The following SUCLA2 variants were observed in gnomAD, a reference collection of about 807,000 sequenced individuals.
SUCLA2 encodes succinate-CoA ligase ADP-forming subunit beta.
Under a neutral mutation model 54.8 loss-of-function variants are expected in SUCLA2, and 30 were observed. That is an observed-to-expected ratio of 0.55 (90% confidence interval 0.41 to 0.74). SUCLA2 has a LOEUF of 0.74. Among genes scored for constraint, SUCLA2 ranks in the 30% least tolerant of loss-of-function variants. The pLI is 0.00. For synonymous variants in SUCLA2, 172 were observed against 188.9 expected (o/e 0.91, Z 0.74); for missense variants, 476 against 562.9 (o/e 0.85, Z 1.56).
At chr13:47,969,455 C>A (rs1475281172) in intron 5 of SUCLA2, among the ~76,000 whole-genome samples, 8 of 152,322 alleles carry the variant, frequency 5.3e-5, no homozygotes, top group African/African-American at 1.9e-4. Context: ...AGTTTACAGT[C>A]TTGAGGGATT....
Position 47,973,269 on chromosome 13 carries a change from G to A in SUCLA2, c.658C>T (p.Leu220Phe). Residue 220 changes from leucine (L) to phenylalanine (F), a missense_variant, in exon 5 of 11, where the codon CTC (leucine) becomes TTC (phenylalanine). Transcript: ENST00000646932. ...IEEGIKKEQA[L>F]QLAQKMGFPP... ...TTTTCAGGAATACAACATACCTGGA[G>A]AGCTTGTTCCTTTTTGATGCCTTCT... 1 of 1,612,486 alleles carries A rather than the reference G, an allele frequency of 6.2e-7. No homozygotes were observed. Among genetic ancestry groups the A allele is most frequent in the Non-Finnish European group, 8.5e-7 (1 of 1,179,592 alleles).
intron 4 of SUCLA2, among the ~76,000 whole-genome samples, chr13:47,981,752 G>T (rs1325947237): frequency 2.0e-5 from 3 of 152,208 alleles, no homozygotes; most frequent in Non-Finnish European, 4.4e-5. Flanking sequence ...GGAGGCGGAG[G>T]TTGTGAGCCG....
intron 10 of SUCLA2, among the ~76,000 whole-genome samples, chr13:47,945,087 T>TAAAA (rs1949718804): frequency 6.6e-6 from 1 of 151,480 alleles, no homozygotes; most frequent in African/African-American, 2.4e-5. Context: ...GCATCTCTAC[T>TAAAA]AAAAATACAT....
intron 4 of SUCLA2, among the ~76,000 whole-genome samples, chr13:47,979,494 G>T (rs1255871979): frequency 6.6e-6 from 1 of 152,102 alleles, no homozygotes; most frequent in African/African-American, 2.4e-5. Flanking sequence ...TCGGGGGGTG[G>T]GGGGCTAGGG....
At position 47,984,618 on chromosome 13, in the gene SUCLA2, T is replaced by C. The variant is rs79352544; in HGVS notation, c.534+3923A>G. ...ATGAGAAAGCAGCCACATGATATAA[T>C]AAAGATCTGTAGCAGGGCATCGTGG... is the stretch of plus-strand genomic sequence containing the variant. On this transcript the variant is annotated intron_variant, in intron 4 of 10. Coordinates refer to ENST00000646932, the MANE Select transcript of SUCLA2 (RefSeq NM_003850.3). Among the ~76,000 whole-genome samples the C allele has an allele frequency of 1.0e-3, 158 of 151,974 alleles. 1 individual carries two copies. Among genetic ancestry groups the C allele is most frequent in the African/African-American group, 3.4e-3 (142 of 41,454 alleles).
At chr13:47,992,262 G>A (rs1452805080) in intron 2 of SUCLA2, among the ~76,000 whole-genome samples, 1 of 151,414 alleles carries the variant, frequency 6.6e-6, no homozygotes, top group African/African-American at 2.4e-5. Context: ...CACTTGGCAA[G>A]ACAGAAGGTT....
intron 5 of SUCLA2, among the ~76,000 whole-genome samples, chr13:47,969,504 A>G (rs1949945244): frequency 6.6e-6 from 1 of 152,204 alleles, no homozygotes; most frequent in Non-Finnish European, 1.5e-5. Context: ...AAACAATACA[A>G]TATCAAGGTC....
At chr13:47,977,922 C>T (rs1375203950) in intron 4 of SUCLA2, among the ~76,000 whole-genome samples, 1 of 152,062 alleles carries the variant, frequency 6.6e-6, no homozygotes, top group African/African-American at 2.4e-5. Context: ...ACAATTGCTA[C>T]AAAGAGGATA....
chr13:47,976,106 A>AT (rs140214581), intron 4 of SUCLA2, among the ~76,000 whole-genome samples: 1 of 152,088 alleles, frequency 6.6e-6, no homozygotes, highest in Non-Finnish European at 1.5e-5. Context: ...TTAAAAAAAA[A>AT]TTTTTGTTTA....
intron 8 of SUCLA2, 118 bp from the exon 9 acceptor site, chr13:47,949,721 C>T: frequency 1.9e-6 from 2 of 1,034,778 alleles, no homozygotes; most frequent in Middle Eastern, 4.5e-4. Flanking sequence ...GATTTTCAGA[C>T]CAAACCACAA....
Position 47,954,171 on chromosome 13 carries a change from T to C in SUCLA2, c.1076A>G (p.Glu359Gly). Residue 359 changes from glutamate to glycine, a missense_variant, in exon 8 of 11, where the codon GAA becomes GGA. Glu to Gly is a moderately conservative substitution (Grantham distance 98, BLOSUM62 -2). Transcript: ENST00000646932. ...GGGATVHQVT[E>G]AFKLITSDKK... ...ATCTGAAGTGATAAGCTTAAATGCT[T>C]CTGTTACTTGATGGACTGTAGCACC... is the stretch of plus-strand genomic sequence containing the variant. The C allele has an allele frequency of 6.2e-7, 1 of 1,613,786 alleles. No individual in the cohort carries two copies. The highest frequency in any genetic ancestry group is 1.1e-5 in the South Asian group (1 of 91,074).
chr13:47,955,940 C>A (rs2148245), intron 6 of SUCLA2, among the ~76,000 whole-genome samples: 110,817 of 152,034 alleles, frequency 0.73, 41,354 homozygotes, highest in Non-Finnish European at 0.82. Context: ...GTTAAGTACC[C>A]TTAATACCAA....
chr13:47,997,736 G>T (rs1018316579), intron 1 of SUCLA2, among the ~76,000 whole-genome samples: 1 of 152,168 alleles, frequency 6.6e-6, no homozygotes, highest in Admixed American at 6.5e-5. Context: ...AATACAGAAT[G>T]CAGTATACTG....
intron 6 of SUCLA2, among the ~76,000 whole-genome samples, chr13:47,963,481 TA>T (rs1239232666): frequency 4.6e-5 from 7 of 151,916 alleles, no homozygotes; most frequent in Non-Finnish European, 1.5e-5. Flanking sequence ...CCATCTCTAC[TA>T]AAAATACAAA....
intron 10 of SUCLA2, among the ~76,000 whole-genome samples, chr13:47,945,540 T>A (rs2137682709): frequency 6.6e-6 from 1 of 151,014 alleles, no homozygotes; most frequent in South Asian, 2.1e-4. Flanking sequence ...GACAAAAAAT[T>A]CTCATCTCTC....
chr13:47,991,187 G>A (rs76055226), intron 2 of SUCLA2, among the ~76,000 whole-genome samples: 1 of 152,288 alleles, frequency 6.6e-6, no homozygotes, highest in Non-Finnish European at 1.5e-5. Flanking sequence ...TTAAAACCTT[G>A]CACTGAATGC....
intron 6 of SUCLA2, among the ~76,000 whole-genome samples, chr13:47,956,344 GA>G (rs1949821338): frequency 6.6e-6 from 1 of 151,360 alleles, no homozygotes; most frequent in African/African-American, 2.4e-5. Flanking sequence ...AAGACAAAGA[GA>G]AATTATCCAA....
rs74766337 is a variant in SUCLA2 at position 47,946,935 on chromosome 13, T to C, written c.1317+2005A>G. Among the ~76,000 whole-genome samples the C allele has an allele frequency of 9.1e-3, 1,392 of 152,260 alleles. 18 individuals are homozygous for C. The highest frequency in any genetic ancestry group is 0.029 in the African/African-American group (1,208 of 41,556). ...GTATTACCTCTTTAAAAAATACATG[T>C]TTTCTCAGACTTGCCACTTAAAAAG... On this transcript the variant is annotated intron_variant, in intron 10 of 10. Transcript: ENST00000646932.
At chr13:47,974,310 G>A (rs1426601237) in intron 4 of SUCLA2, among the ~76,000 whole-genome samples, 3 of 152,118 alleles carry the variant, frequency 2.0e-5, no homozygotes, top group Non-Finnish European at 4.4e-5. Context: ...AGCTGGCCAG[G>A]CACAGTGGCT....
Sources: allele counts gnomAD v4.1 joint callset (sites outside exome capture counted in the v4.1 genomes callset), GRCh38; gene constraint gnomAD v4.1.1; transcripts MANE v1.5; gene names NCBI Gene and HGNC (gene_info 2026-07-23, HGNC 2026-07-21).